Variants in AQR observed in about 807,000 individuals in gnomAD.
AQR encodes RNA helicase aquarius.
A neutral mutation model predicts 180.5 loss-of-function variants in AQR; 61 were observed. The ratio of observed to expected loss-of-function variants is 0.34; its 90% CI spans 0.28 to 0.42. The LOEUF is 0.42. AQR is among the 10% of genes least tolerant of loss of function. The pLI is 1.00. For missense variants in AQR, 1,281 were observed against 1,798.3 expected (o/e 0.71, Z 5.20); for synonymous variants, 551 against 588.8 (o/e 0.94, Z 0.93).
intron 26 of AQR, 50 bp from the exon 27 acceptor site, chr15:34,882,689 G>A (rs1892993433): frequency 6.5e-7 from 1 of 1,542,246 alleles, no homozygotes; most frequent in Admixed American, 1.8e-5. Flanking sequence ...ACGGAGTTTT[G>A]CACATAACCA....
Position 34,893,652 on chromosome 15 carries a change from C to CACAG in AQR, c.2571+10_2571+11insCTGT. 6.4e-7 allele frequency: 1 copy of CACAG among 1,570,676 alleles called. No homozygotes were observed. Among genetic ancestry groups the CACAG allele is most frequent in the Non-Finnish European group, 8.7e-7 (1 of 1,145,770 alleles). On this transcript the variant is annotated intron_variant, in intron 23 of 34. Coordinates refer to ENST00000156471, the MANE Select transcript of AQR (RefSeq NM_014691.3). Reference sequence around the variant, plus strand: ...ACACACACACACACACACACACACACAGTCATTTACCTGATTGGAATGAGT... The same window carrying CACAG: ...ACACACACACACACACACACACACACACAGAGTCATTTACCTGATTGGAATGAGT...
chr15:34,867,497 A>T (rs1892751807), intron 32 of AQR, 27 bp downstream of exon 32: 1 of 1,579,066 alleles, frequency 6.3e-7, no homozygotes, highest in Non-Finnish European at 8.7e-7. Context: ...AGTTCAATAA[A>T]TATTATGAAA....
chr15:34,917,638 T>A (rs1893615248), intron 15 of AQR, among the ~76,000 whole-genome samples: 1 of 152,084 alleles, frequency 6.6e-6, no homozygotes, highest in Non-Finnish European at 1.5e-5. Flanking sequence ...ACACAGCCTA[T>A]CATAGTGACA....
chr15:34,884,517 A>C lies in AQR; in HGVS notation c.3027+8T>G, dbSNP rs755709461. On this transcript the variant is annotated splice_region_variant and intron_variant, in intron 26 of 34. Transcript: ENST00000156471. ...AAAGGGAAGTTCAAAGAACTTGAGAATCCTTACCTCAAGCTGCGTAAAGAT... is the reference window on the plus strand; with the variant it reads ...AAAGGGAAGTTCAAAGAACTTGAGACTCCTTACCTCAAGCTGCGTAAAGAT... 6.4e-7 allele frequency: 1 copy of C among 1,567,900 alleles called. No individual in the cohort carries two copies. Among genetic ancestry groups the C allele is most frequent in the East Asian group, 2.3e-5 (1 of 43,064 alleles).
rs979468746 is a variant in AQR, at chr15:34,859,485, G to C, written c.4143+557C>G. Reference sequence around the variant, plus strand: ...GTTCAACCACTTTGAAAAACAGGTTGGTAGCTTCTTAAAAAGTTAAACACA... The same window carrying C: ...GTTCAACCACTTTGAAAAACAGGTTCGTAGCTTCTTAAAAAGTTAAACACA... On this transcript the variant is annotated intron_variant, in intron 34 of 34. Coordinates refer to ENST00000156471, the MANE Select transcript of AQR (RefSeq NM_014691.3). Among the ~76,000 whole-genome samples the C allele has an allele frequency of 3.9e-5, 6 of 152,096 alleles. No individual in the cohort carries two copies. In the South Asian group the frequency reaches 1.2e-3, roughly 32 times the overall value.
At chr15:34,953,269 T>G (rs1000444905) in intron 3 of AQR, among the ~76,000 whole-genome samples, 5 of 152,238 alleles carry the variant, frequency 3.3e-5, no homozygotes, top group African/African-American at 7.2e-5. Flanking sequence ...ATATTTGTCT[T>G]TAATATACTG....
In AQR at chr15:34,918,368, T is replaced by G. The variant is rs1893628548; in HGVS notation, c.1232A>C (p.His411Pro). ...EFLLELLVSR[H>P]ERRISQIQQL... ...CTGAATCTGAGAAATTCGACGTTCA[T>G]GACGAGATACCTAAAATAAAGGAAA... Residue 411 changes from histidine (H) to proline (P), a missense_variant, in exon 15 of 35, where the codon CAT (histidine) becomes CCT (proline). Transcript: ENST00000156471. 1 of 1,613,546 alleles carries G rather than the reference T, an allele frequency of 6.2e-7. No individual in the cohort carries two copies. The highest frequency in any genetic ancestry group is 8.5e-7 in the Non-Finnish European group (1 of 1,179,806).
chr15:34,927,623 C>T (rs1250071008), intron 12 of AQR, among the ~76,000 whole-genome samples: 1 of 152,180 alleles, frequency 6.6e-6, no homozygotes, highest in Non-Finnish European at 1.5e-5. Flanking sequence ...ATAGGGTAAG[C>T]TGTAAGAAAA....
chr15:34,874,810 G>C lies in AQR; in HGVS notation c.3292C>G (p.His1098Asp). 1 of 1,613,852 alleles carries C rather than the reference G, an allele frequency of 6.2e-7. No individual in the cohort carries two copies. Among genetic ancestry groups the C allele is most frequent in the Non-Finnish European group, 8.5e-7 (1 of 1,179,818 alleles). The change falls in exon 29 of 35, where the codon CAC (histidine) becomes GAC (aspartate). Residue 1098 changes from histidine to aspartate, a missense_variant. Coordinates refer to ENST00000156471, the MANE Select transcript of AQR (RefSeq NM_014691.3). ...LKRWIMIGDH[H>D]QLPPVIKNMA... ...TTCTTAATAACTGGAGGTAACTGGT[G>C]ATGATCGCCAATCATAATCCATCGT...
At chr15:34,891,214 A>G (rs569459710) in intron 23 of AQR, among the ~76,000 whole-genome samples, 4 of 152,270 alleles carry the variant, frequency 2.6e-5, no homozygotes, top group African/African-American at 7.2e-5. Flanking sequence ...AACTCTTGAT[A>G]CTCATCATCC....
At chr15:34,892,288 T>A (rs1272981428) in intron 23 of AQR, among the ~76,000 whole-genome samples, 2 of 152,204 alleles carry the variant, frequency 1.3e-5, no homozygotes, top group African/African-American at 4.8e-5. Flanking sequence ...CAGGTGTACA[T>A]TTCACATGGA....
At chr15:34,904,799 T>A (rs1000039319) in intron 18 of AQR, among the ~76,000 whole-genome samples, 5 of 152,048 alleles carry the variant, frequency 3.3e-5, no homozygotes, top group African/African-American at 1.2e-4. Flanking sequence ...TAGGAGTACT[T>A]AGAAGTCAAA....
chr15:34,953,118 A>C (rs905916184), intron 3 of AQR, among the ~76,000 whole-genome samples, 198 bp from the exon 4 acceptor site: 18 of 152,198 alleles, frequency 1.2e-4, no homozygotes, highest in African/African-American at 4.3e-4. Flanking sequence ...ACTCAAATGG[A>C]AACACTTTGC....
intron 28 of AQR, among the ~76,000 whole-genome samples, chr15:34,875,597 TACAA>T (rs1198868858): frequency 4.6e-5 from 7 of 152,088 alleles, no homozygotes; most frequent in African/African-American, 1.7e-4. Context: ...AAAATAATTC[TACAA>T]ACAATTATAA....
intron 4 of AQR, among the ~76,000 whole-genome samples, chr15:34,951,657 G>A (rs897501226): frequency 2.8e-5 from 4 of 145,202 alleles, no homozygotes; most frequent in South Asian, 4.3e-4. Flanking sequence ...GCAACAGAGC[G>A]AGACTGTCTC....
At position 34,852,489 on chromosome 15, in the gene AQR, C is replaced by T. The variant is rs1159024943; in HGVS notation, c.*4303G>A. 1 of 152,046 alleles carries T rather than the reference C, an allele frequency of 6.6e-6. No homozygotes were observed. Among genetic ancestry groups the T allele is most frequent in the African/African-American group, 2.4e-5 (1 of 41,414 alleles). 9.4% of individuals were successfully genotyped at this position (152,046 alleles called of 1,614,324 possible). A position where few individuals can be genotyped will look rare whatever the true frequency, so the allele number is the denominator to read the frequency against. The stretch of plus-strand genomic sequence containing the variant: ...CCCGGCTCGTGTTCTAAGGAAATAG[C>T]TACCTAAGGTATCTTATTAAAACAA... On this transcript the variant is annotated 3_prime_UTR_variant, in exon 35 of 35. Coordinates refer to ENST00000156471, the MANE Select transcript of AQR (RefSeq NM_014691.3).
intron 2 of AQR, among the ~76,000 whole-genome samples, chr15:34,962,743 T>C (rs932483220): frequency 6.7e-6 from 1 of 149,594 alleles, no homozygotes; most frequent in African/African-American, 2.5e-5. Context: ...CACTCCAAAC[T>C]GGGTGACAAG....
At position 34,925,041 on chromosome 15, in the gene AQR, G is replaced by A. The variant is rs114635046; in HGVS notation, c.1118+1994C>T. On this transcript the variant is annotated intron_variant, in intron 13 of 34. Transcript: ENST00000156471. ...ATAGTTATTAAAAAGAATGACAGTT[G>A]TCATTAAAAAATTTAAAATATCTGT... Among the ~76,000 whole-genome samples the A allele has an allele frequency of 5.8e-3, 875 of 151,848 alleles. 12 individuals carry two copies. The highest frequency in any genetic ancestry group is 0.018 in the African/African-American group (750 of 41,436).
chr15:34,964,301 A>T lies in AQR; in HGVS notation c.76-11T>A. 6.3e-7 allele frequency: 1 copy of T among 1,583,048 alleles called. No homozygotes were observed. The highest frequency in any genetic ancestry group is 8.7e-7 in the Non-Finnish European group (1 of 1,154,346). ...GTATTTACATGCTAACTGCAAAGTA[A>T]ACAGTATAAACAGTAAGTCCCAGAT... On this transcript the variant is annotated splice_polypyrimidine_tract_variant and intron_variant, in intron 1 of 34. Coordinates refer to ENST00000156471, the MANE Select transcript of AQR (RefSeq NM_014691.3).
Sources: allele counts gnomAD v4.1 joint callset (sites outside exome capture counted in the v4.1 genomes callset), GRCh38; gene constraint gnomAD v4.1.1; transcripts MANE v1.5; gene names NCBI Gene and HGNC (gene_info 2026-07-23, HGNC 2026-07-21).